DPYD: variants seen among roughly 807,000 people sequenced by gnomAD.
DPYD encodes dihydropyrimidine dehydrogenase [NADP(+)].
Under a neutral mutation model 116.2 loss-of-function variants are expected in DPYD, and 109 were observed. The ratio of observed to expected loss-of-function variants is 0.94; its 90% CI spans 0.80 to 1.10. DPYD has a LOEUF of 1.10. Ranked by LOEUF, DPYD falls within the 50% of genes least tolerant of loss-of-function variation. DPYD has a pLI of 0.00. For missense variants in DPYD, 1,302 were observed against 1,254.5 expected (o/e 1.04, Z -0.57); for synonymous variants, 440 against 432.0 (o/e 1.02, Z -0.23).
intron 16 of DPYD, among the ~76,000 whole-genome samples, chr1:97,365,898 T>A (rs1671008951): frequency 6.6e-6 from 1 of 152,148 alleles, no homozygotes; most frequent in African/African-American, 2.4e-5. Context: ...CCTCCCAAAG[T>A]GCTGGCATAC....
chr1:97,225,693 C>CT (rs897715618), intron 19 of DPYD, among the ~76,000 whole-genome samples: 8 of 151,482 alleles, frequency 5.3e-5, no homozygotes, highest in Admixed American at 3.9e-4. Flanking sequence ...TGATTGCTTC[C>CT]TTTTTTGTAT....
At chr1:97,455,291 T>C (rs1676620957) in intron 13 of DPYD, among the ~76,000 whole-genome samples, 1 of 151,962 alleles carries the variant, frequency 6.6e-6, no homozygotes. Context: ...CGCTATGAGT[T>C]GTTGATAAGG....
chr1:97,131,776 C>A (rs1260396828), intron 20 of DPYD, among the ~76,000 whole-genome samples: 1 of 152,068 alleles, frequency 6.6e-6, no homozygotes, highest in Non-Finnish European at 1.5e-5. Flanking sequence ...GCCAAGGCAT[C>A]CAGGTCCTAA....
At chr1:97,172,492 T>C (rs747478452) in intron 20 of DPYD, among the ~76,000 whole-genome samples, 15 of 152,188 alleles carry the variant, frequency 9.9e-5, no homozygotes, top group Non-Finnish European at 1.8e-4. Flanking sequence ...AAGAAAGACA[T>C]AGCTAATGCT....
chr1:97,126,715 T>C (rs1022124071), intron 20 of DPYD, among the ~76,000 whole-genome samples: 3 of 152,202 alleles, frequency 2.0e-5, no homozygotes, highest in Non-Finnish European at 4.4e-5. Context: ...TAGCATGCTG[T>C]CTGTCACAGA....
chr1:97,879,553 GA>G (rs1486756449), intron 2 of DPYD, among the ~76,000 whole-genome samples: 1 of 151,770 alleles, frequency 6.6e-6, no homozygotes, highest in African/African-American at 2.4e-5. Flanking sequence ...AAATATACTG[GA>G]AATAACTGCT....
chr1:97,436,668 A>T (rs1675489937), intron 14 of DPYD, among the ~76,000 whole-genome samples: 1 of 152,068 alleles, frequency 6.6e-6, no homozygotes, highest in Admixed American at 6.5e-5. Context: ...CTTTTACTGA[A>T]TGACATGAAC....
intron 18 of DPYD, among the ~76,000 whole-genome samples, chr1:97,285,385 C>A (rs1290070671): frequency 1.3e-5 from 2 of 152,120 alleles, no homozygotes; most frequent in Non-Finnish European, 2.9e-5. Context: ...TATAAAAGTG[C>A]CAAGTGCTTC....
intron 20 of DPYD, among the ~76,000 whole-genome samples, chr1:97,176,753 G>T (rs1299756487): frequency 6.6e-6 from 1 of 152,038 alleles, no homozygotes; most frequent in South Asian, 2.1e-4. Flanking sequence ...TGAGAGTACA[G>T]ATTTGGAAGA....
chr1:97,746,224 G>GTCTA (rs1430658578), intron 3 of DPYD, among the ~76,000 whole-genome samples: 1 of 152,146 alleles, frequency 6.6e-6, no homozygotes, highest in African/African-American at 2.4e-5. Context: ...ATTCTAGTCT[G>GTCTA]TAACATTTAT....
chr1:97,456,893 C>A (rs897253753), intron 13 of DPYD, among the ~76,000 whole-genome samples: 4 of 152,172 alleles, frequency 2.6e-5, no homozygotes, highest in African/African-American at 9.6e-5. Flanking sequence ...ATTTCCTATT[C>A]CTGTGGCCCA....
chr1:97,186,597 C>A (rs1019507614), intron 20 of DPYD, among the ~76,000 whole-genome samples: 22 of 152,124 alleles, frequency 1.4e-4, no homozygotes, highest in Non-Finnish European at 5.9e-5. Flanking sequence ...GCTTGTAAGC[C>A]CAGAACTCTG....
intron 14 of DPYD, among the ~76,000 whole-genome samples, chr1:97,406,772 A>C (rs1673682850): frequency 6.6e-6 from 1 of 152,136 alleles, no homozygotes; most frequent in Non-Finnish European, 1.5e-5. Context: ...TTTTCATAGC[A>C]TGTCTGGTAT....
At chr1:97,149,759 C>G (rs1489473909) in intron 20 of DPYD, among the ~76,000 whole-genome samples, 1 of 152,222 alleles carries the variant, frequency 6.6e-6, no homozygotes, top group Admixed American at 6.5e-5. Context: ...GAGAGGGAAG[C>G]TTTGTGCTAT....
intron 2 of DPYD, among the ~76,000 whole-genome samples, chr1:97,867,240 C>T (rs989588426): frequency 6.6e-6 from 1 of 151,676 alleles, no homozygotes; most frequent in African/African-American, 2.4e-5. Flanking sequence ...TAAGAGCTCA[C>T]GTAGTTCTAA....
intron 11 of DPYD, among the ~76,000 whole-genome samples, chr1:97,572,580 T>C (rs1652974955): frequency 6.6e-6 from 1 of 151,978 alleles, no homozygotes; most frequent in Admixed American, 6.6e-5. Context: ...GTAAGAAGAA[T>C]GGGATTTTTA....
chr1:97,888,153 A>G (rs999694543), intron 1 of DPYD, among the ~76,000 whole-genome samples: 2 of 152,100 alleles, frequency 1.3e-5, no homozygotes, highest in African/African-American at 2.4e-5. Context: ...TACAGATATA[A>G]ATCACTTAAA....
At chr1:97,253,017 G>A (rs1176990437) in intron 18 of DPYD, among the ~76,000 whole-genome samples, 1 of 152,014 alleles carries the variant, frequency 6.6e-6, no homozygotes. Flanking sequence ...TATTGAAAAA[G>A]TTTCAGAAAA....
intron 16 of DPYD, among the ~76,000 whole-genome samples, chr1:97,355,069 T>TAATAAA (rs1171312805): frequency 6.6e-6 from 1 of 152,192 alleles, no homozygotes; most frequent in Non-Finnish European, 1.5e-5. Flanking sequence ...ATAAAAATCA[T>TAATAAA]TTATGAATTT....
Sources: allele counts gnomAD v4.1 joint callset (sites outside exome capture counted in the v4.1 genomes callset), GRCh38; gene constraint gnomAD v4.1.1; transcripts MANE v1.5; gene names NCBI Gene and HGNC (gene_info 2026-07-23, HGNC 2026-07-21).